The following XPR1 variants were observed in gnomAD, a reference collection of about 807,000 sequenced individuals.
XPR1 encodes solute carrier family 53 member 1.
XPR1 carries 28 observed loss-of-function variants against 87.5 expected under a neutral mutation model. That is an observed-to-expected ratio of 0.32 (90% CI 0.24 to 0.44). XPR1 has a LOEUF of 0.44. Ranked by LOEUF, XPR1 falls within the 20% of genes least tolerant of loss-of-function variation. The probability of loss-of-function intolerance (pLI) is 1.00; values close to 1 mark genes in which losing one functional copy is unlikely to be tolerated. For synonymous variants in XPR1, 300 were observed against 306.1 expected, an observed-to-expected ratio of 0.98 and a Z score of 0.21; for missense variants, 559 against 862.3, an observed-to-expected ratio of 0.65 and a Z score of 4.41.
chr1:180,692,850 A>G (rs143138267), intron 2 of XPR1, among the ~76,000 whole-genome samples: 109 of 152,328 alleles, frequency 7.2e-4, no homozygotes, highest in Middle Eastern at 3.4e-3. Flanking sequence ...GCATACAGGT[A>G]GGAAGCTGGA....
intron 7 of XPR1, among the ~76,000 whole-genome samples, chr1:180,822,338 C>T (rs1650664721): frequency 6.6e-6 from 1 of 152,178 alleles, no homozygotes; most frequent in Non-Finnish European, 1.5e-5. Context: ...AGCCGTCTTC[C>T]CCCAAACATC....
chr1:180,774,384 CTTTTTTTTTTTT>C (rs71121051), intron 2 of XPR1, among the ~76,000 whole-genome samples: 2 of 68,900 alleles, frequency 2.9e-5, no homozygotes, highest in South Asian at 1.0e-3. Context: ...TCTTTCCTAT[CTTTTTTTTTTTT>C]TTTTTTTTTT....
At chr1:180,833,485 T>G (rs1216139057) in intron 9 of XPR1, among the ~76,000 whole-genome samples, 2 of 150,104 alleles carry the variant, frequency 1.3e-5, no homozygotes, top group Admixed American at 1.3e-4. Context: ...GGAAGAAGAT[T>G]TACCAAGCAA....
chr1:180,812,711 C>T (rs1228657203), intron 7 of XPR1, among the ~76,000 whole-genome samples: 2 of 150,860 alleles, frequency 1.3e-5, no homozygotes, highest in Non-Finnish European at 2.9e-5. Context: ...TGCAGTGGTC[C>T]GATCTCGGCT....
At chr1:180,682,283 G>T in intron 1 of XPR1, 77 bp from the exon 2 acceptor site, 1 of 1,183,532 alleles carries the variant, frequency 8.4e-7, no homozygotes. Context: ...TATTGAAAAA[G>T]AACTGTTTAG....
chr1:180,860,626 A>G lies in XPR1; in HGVS notation c.1502-3082A>G, dbSNP rs572083824. Reference sequence around the variant, plus strand: ...AAAATGCTATATACTAAGTGGTTCCATTTTATGTGACTGTCTCAAAAAGGC... The same window carrying G: ...AAAATGCTATATACTAAGTGGTTCCGTTTTATGTGACTGTCTCAAAAAGGC... On this transcript the variant is annotated intron_variant, in intron 11 of 14. Transcript: ENST00000367590. Among the ~76,000 whole-genome samples, 3 of 152,238 alleles carry G rather than the reference A, an allele frequency of 2.0e-5. No individual in the cohort carries two copies. The South Asian group carries it at 6.2e-4, about 32-fold the overall frequency.
At chr1:180,687,730 A>G (rs185511945) in intron 2 of XPR1, among the ~76,000 whole-genome samples, 35 of 152,222 alleles carry the variant, frequency 2.3e-4, no homozygotes, top group African/African-American at 8.2e-4. Context: ...TATACATTGC[A>G]AACAAATCTC....
At chr1:180,728,223 T>G (rs1017688650) in intron 2 of XPR1, among the ~76,000 whole-genome samples, 40 of 150,218 alleles carry the variant, frequency 2.7e-4, no homozygotes, top group Non-Finnish European at 5.8e-4. Context: ...GGAAAAAGTC[T>G]TGGAGACAGA....
intron 1 of XPR1, among the ~76,000 whole-genome samples, chr1:180,633,838 T>G (rs1654678924): frequency 6.6e-6 from 1 of 152,224 alleles, no homozygotes; most frequent in African/African-American, 2.4e-5. Context: ...GTAGTAATTT[T>G]CAGCACCACT....
intron 1 of XPR1, among the ~76,000 whole-genome samples, chr1:180,672,951 TTTTC>T (rs1280175219): frequency 4.7e-4 from 72 of 152,310 alleles, no homozygotes; most frequent in African/African-American, 1.6e-3. Context: ...CTTCATATGC[TTTTC>T]TTTATTTATT....
At chr1:180,760,909 A>G (rs1450312194) in intron 2 of XPR1, among the ~76,000 whole-genome samples, 1 of 152,204 alleles carries the variant, frequency 6.6e-6, no homozygotes, top group Non-Finnish European at 1.5e-5. Flanking sequence ...TACTGGTACC[A>G]AAACAGAGAT....
chr1:180,791,757 T>C lies in XPR1; in HGVS notation c.223+3903T>C, dbSNP rs1403904584. 3.9e-5 allele frequency among the ~76,000 whole-genome samples: 6 copies of C among 152,366 alleles called. No individual in the cohort carries two copies. In the South Asian group the frequency reaches 1.0e-3, roughly 26 times the overall value. On this transcript the variant is annotated intron_variant, in intron 3 of 14. Transcript: ENST00000367590. ...TGTAGTATATTGTTTTCTATATTTT[T>C]CTATTCTATTTGATTTTTTAAATGC...
intron 1 of XPR1, among the ~76,000 whole-genome samples, chr1:180,659,960 C>T (rs1372473447): frequency 6.6e-6 from 1 of 152,116 alleles, no homozygotes; most frequent in Non-Finnish European, 1.5e-5. Flanking sequence ...GTTCTTTAAA[C>T]ATCTGGTAGA....
At chr1:180,733,748 A>G (rs1470644600) in intron 2 of XPR1, among the ~76,000 whole-genome samples, 1 of 152,234 alleles carries the variant, frequency 6.6e-6, no homozygotes, top group Admixed American at 6.5e-5. Flanking sequence ...GAAAAGTAAT[A>G]GGAAGGAATC....
intron 2 of XPR1, among the ~76,000 whole-genome samples, chr1:180,765,122 G>A (rs1039138175): frequency 2.6e-5 from 4 of 152,130 alleles, no homozygotes; most frequent in East Asian, 1.9e-4. Flanking sequence ...ACTGTTATAA[G>A]AATTTTACAA....
At chr1:180,643,205 C>G (rs1655011578) in intron 1 of XPR1, among the ~76,000 whole-genome samples, 1 of 152,014 alleles carries the variant, frequency 6.6e-6, no homozygotes, top group Non-Finnish European at 1.5e-5. Context: ...AGTGCAAGAC[C>G]AAAGACAGGA....
At chr1:180,644,679 C>T (rs182905810) in intron 1 of XPR1, among the ~76,000 whole-genome samples, 1 of 152,088 alleles carries the variant, frequency 6.6e-6, no homozygotes, top group East Asian at 1.9e-4. Flanking sequence ...TGTTACAGGC[C>T]AGTGGTTCCC....
At chr1:180,805,426 A>G (rs73040975) in intron 4 of XPR1, among the ~76,000 whole-genome samples, 6,547 of 152,270 alleles carry the variant, frequency 0.043, 502 homozygotes, top group African/African-American at 0.15. Flanking sequence ...TTGAGGAAAA[A>G]TAGGGACTTC....
At chr1:180,829,852 A>G (rs919718146) in intron 9 of XPR1, among the ~76,000 whole-genome samples, 3 of 149,980 alleles carry the variant, frequency 2.0e-5, no homozygotes, top group Non-Finnish European at 4.4e-5. Flanking sequence ...TGTCAGTCCT[A>G]TCCTTTTTCA....
Sources: gnomAD v4.1 joint callset for allele counts (sites outside exome capture counted in the v4.1 genomes callset) on GRCh38, gnomAD v4.1.1 for gene constraint, MANE v1.5 for transcripts, NCBI Gene and HGNC (gene_info 2026-07-23, HGNC 2026-07-21) for gene names.